Variants in RELN observed in about 807,000 individuals in gnomAD.
The protein encoded by RELN is reelin.
Under a neutral mutation model 427.6 loss-of-function variants are expected in RELN, and 108 were observed. The ratio of observed to expected loss-of-function variants is 0.25; its 90% CI spans 0.22 to 0.30. RELN has a LOEUF of 0.30. RELN is among the 10% of genes least tolerant of loss of function. The pLI, the probability that RELN is intolerant of heterozygous loss-of-function variation, is 1.00. For missense variants in RELN, 3,715 were observed against 4,302.8 expected, an observed-to-expected ratio of 0.86 and a Z score of 3.82; for synonymous variants, 1,524 against 1,513.4, an observed-to-expected ratio of 1.01 and a Z score of -0.16.
At chr7:103,834,004 G>C (rs1266059602) in intron 2 of RELN, among the ~76,000 whole-genome samples, 2 of 152,158 alleles carry the variant, frequency 1.3e-5, no homozygotes, top group Non-Finnish European at 2.9e-5. Context: ...TCTGCAGCAA[G>C]GGAGACCAAA....
intron 20 of RELN, among the ~76,000 whole-genome samples, chr7:103,622,804 A>G (rs1832249524): frequency 7.1e-6 from 1 of 140,252 alleles, no homozygotes; most frequent in African/African-American, 2.5e-5. Flanking sequence ...GGTCTGGAAT[A>G]TTATCTGGAA....
intron 3 of RELN, among the ~76,000 whole-genome samples, chr7:103,777,485 A>G (rs528513544): frequency 1.1e-4 from 16 of 152,322 alleles, no homozygotes; most frequent in Admixed American, 1.0e-3. Context: ...TTTAGCCAAA[A>G]CCATCCTAGG....
At chr7:103,758,337 T>C (rs1285489441) in intron 4 of RELN, among the ~76,000 whole-genome samples, 1 of 152,036 alleles carries the variant, frequency 6.6e-6, no homozygotes, top group Non-Finnish European at 1.5e-5. Flanking sequence ...AGACCACAGA[T>C]AAAATATAAA....
intron 2 of RELN, among the ~76,000 whole-genome samples, chr7:103,890,201 T>G (rs1045913330): frequency 1.5e-3 from 11 of 7,434 alleles, no homozygotes; most frequent in African/African-American, 4.7e-3. Flanking sequence ...CTCTGAACTT[T>G]TTTTTTTTTT....
At chr7:103,916,665 C>A (rs1795488195) in intron 2 of RELN, among the ~76,000 whole-genome samples, 1 of 152,166 alleles carries the variant, frequency 6.6e-6, no homozygotes, top group South Asian at 2.1e-4. Context: ...CTGCTTTATA[C>A]AATGTTCAGT....
chr7:103,490,336 C>A (rs1437301441), intron 59 of RELN, among the ~76,000 whole-genome samples: 2 of 152,200 alleles, frequency 1.3e-5, no homozygotes, highest in African/African-American at 4.8e-5. Flanking sequence ...AGGCAGAACA[C>A]TGGGGCAGAA....
chr7:103,486,111 T>C (rs1828430790), intron 61 of RELN, 86 bp downstream of exon 61: 3 of 1,296,502 alleles, frequency 2.3e-6, no homozygotes, highest in Non-Finnish European at 2.2e-6. Flanking sequence ...TGCCATGAAG[T>C]TCACAATCCT....
intron 16 of RELN, among the ~76,000 whole-genome samples, chr7:103,643,890 T>G (rs1188498929): frequency 6.6e-6 from 1 of 151,988 alleles, no homozygotes; most frequent in Non-Finnish European, 1.5e-5. Flanking sequence ...TACAGGCATG[T>G]GCCATGCCTG....
At chr7:103,792,134 C>T (rs1190305043) in intron 3 of RELN, among the ~76,000 whole-genome samples, 1 of 152,088 alleles carries the variant, frequency 6.6e-6, no homozygotes, top group African/African-American at 2.4e-5. Context: ...AATGGTATAG[C>T]CACTTTGGAA....
chr7:103,701,127 A>C (rs1834082084), intron 8 of RELN, 121 bp from the exon 9 acceptor site: 2 of 692,720 alleles, frequency 2.9e-6, no homozygotes, highest in African/African-American at 1.8e-5. Flanking sequence ...TAACTTCCCC[A>C]TTCTTCTAAT....
Position 103,497,814 on chromosome 7 carries a change from A to G in RELN, c.8950+6T>C. 6.2e-7 allele frequency: 1 copy of G among 1,613,318 alleles called. No homozygotes were observed. ...CCAAGGGGTGGTTTTCACCCCTGAC[A>G]CATGCCTCCATCGGTAGAGTAGTCC... On this transcript the variant is annotated splice_donor_region_variant and intron_variant, in intron 55 of 64. Transcript: ENST00000428762.
At chr7:103,863,566 T>C (rs9648931) in intron 2 of RELN, among the ~76,000 whole-genome samples, 21,832 of 152,050 alleles carry the variant, frequency 0.14, 1,844 homozygotes, top group East Asian at 0.34. Context: ...TCAGTTTTCT[T>C]AACCACATCT....
rs1327251631 is a variant in RELN at position 103,521,170 on chromosome 7, G to A, written c.7668+852C>T. Among the ~76,000 whole-genome samples, 11 of 148,848 alleles carry A rather than the reference G, an allele frequency of 7.4e-5. No homozygotes were observed. In the South Asian group the frequency reaches 8.6e-4, roughly 12 times the overall value. ...TTTTTTTTGTATTTTTAGTAGAGAC[G>A]GGGTTTCACCTTGTTAGCCAGGATG... On this transcript the variant is annotated intron_variant, in intron 48 of 64. Transcript: ENST00000428762.
At chr7:103,655,007 TC>T (rs1832996431) in intron 12 of RELN, among the ~76,000 whole-genome samples, 1 of 152,048 alleles carries the variant, frequency 6.6e-6, no homozygotes, top group African/African-American at 2.4e-5. Flanking sequence ...AGACGGGGTC[TC>T]CCTATGTTGC....
intron 14 of RELN, 33 bp from the exon 15 acceptor site, chr7:103,651,822 T>G (rs774016725): frequency 6.2e-7 from 1 of 1,606,978 alleles, no homozygotes; most frequent in African/African-American, 1.3e-5. Context: ...ACACAAAAGG[T>G]GGGGAGGGTA....
At chr7:103,784,944 A>T (rs1476749573) in intron 3 of RELN, among the ~76,000 whole-genome samples, 1 of 152,180 alleles carries the variant, frequency 6.6e-6, no homozygotes, top group Admixed American at 6.5e-5. Flanking sequence ...CAGAATGTTA[A>T]ATGCTTTAAA....
At chr7:103,553,889 T>C in intron 38 of RELN, 58 bp from the exon 39 acceptor site, 1 of 1,453,452 alleles carries the variant, frequency 6.9e-7, no homozygotes, top group Admixed American at 1.7e-5. Flanking sequence ...ATGAACACTT[T>C]TGCTCATTGA....
intron 8 of RELN, among the ~76,000 whole-genome samples, chr7:103,704,839 C>A (rs1272638541): frequency 6.6e-6 from 1 of 152,162 alleles, no homozygotes; most frequent in Non-Finnish European, 1.5e-5. Context: ...TCCATCCAGG[C>A]TTCTACTCTC....
intron 2 of RELN, among the ~76,000 whole-genome samples, chr7:103,878,227 TA>T (rs1794529377): frequency 6.6e-6 from 1 of 152,064 alleles, no homozygotes; most frequent in Non-Finnish European, 1.5e-5. Flanking sequence ...AAGCATCCTT[TA>T]TGACTCAGCT....
Sources: allele counts gnomAD v4.1 joint callset (sites outside exome capture counted in the v4.1 genomes callset), GRCh38; gene constraint gnomAD v4.1.1; transcripts MANE v1.5; gene names NCBI Gene and HGNC (gene_info 2026-07-23, HGNC 2026-07-21).